Variants in CPED1 observed in about 807,000 individuals in gnomAD.
The protein encoded by CPED1 is cadherin like and PC-esterase domain containing 1.
In CPED1, 114 loss-of-function variants were observed where a neutral mutation model predicts 128.2. That is an observed-to-expected ratio of 0.89 (90% CI 0.76 to 1.04). CPED1 has a LOEUF of 1.04. Among genes scored for constraint, CPED1 ranks in the 50% least tolerant of loss-of-function variants. The probability of loss-of-function intolerance (pLI) is 0.00; values close to 1 mark genes in which losing one functional copy is unlikely to be tolerated. For missense variants in CPED1, 1,211 were observed against 1,207.1 expected (o/e 1.00, Z -0.05); for synonymous variants, 462 against 426.7 (o/e 1.08, Z -1.02).
At chr7:121,049,769 C>G (rs1298341781) in intron 4 of CPED1, among the ~76,000 whole-genome samples, 3 of 152,162 alleles carry the variant, frequency 2.0e-5, no homozygotes, top group South Asian at 2.1e-4. Context: ...GCCTGGAATG[C>G]TCTTTCTCAG....
At chr7:121,283,106 A>G (rs74896428) in intron 22 of CPED1, among the ~76,000 whole-genome samples, 5,506 of 152,298 alleles carry the variant, frequency 0.036, 213 homozygotes, top group South Asian at 0.13. Context: ...TAGAGACTCA[A>G]TTAGCCCTTT....
intron 16 of CPED1, among the ~76,000 whole-genome samples, chr7:121,214,667 G>A (rs929785187): frequency 2.0e-5 from 3 of 152,036 alleles, no homozygotes; most frequent in Non-Finnish European, 2.9e-5. Flanking sequence ...GGACTGTCAT[G>A]TCGTAGATAC....
chr7:121,137,536 T>C (rs894684878), intron 14 of CPED1, among the ~76,000 whole-genome samples: 15 of 152,068 alleles, frequency 9.9e-5, no homozygotes, highest in African/African-American at 3.6e-4. Flanking sequence ...AAATGCAATT[T>C]AATTCATTCA....
chr7:121,062,874 G>C (rs1001259707), intron 4 of CPED1: 3 of 152,032 alleles, frequency 2.0e-5, no homozygotes, highest in East Asian at 3.9e-4. Context: ...GCCCTCATTC[G>C]CTCCTGCCTG....
At chr7:121,202,281 C>A (rs1797417535) in intron 16 of CPED1, among the ~76,000 whole-genome samples, 1 of 152,092 alleles carries the variant, frequency 6.6e-6, no homozygotes, top group Admixed American at 6.6e-5. Flanking sequence ...TGTGCCTCTG[C>A]TGGAATTAGC....
chr7:121,130,853 A>G (rs1795649923), intron 12 of CPED1, among the ~76,000 whole-genome samples: 1 of 152,008 alleles, frequency 6.6e-6, no homozygotes, highest in African/African-American at 2.4e-5. Context: ...ATAAGATAAA[A>G]TTTCCCACCT....
rs971804511 is a variant in CPED1 at position 121,281,625 on chromosome 7, A to T, written c.2868+10195A>T. Among the ~76,000 whole-genome samples the T allele has an allele frequency of 2.0e-5, 3 of 152,272 alleles. No individual in the cohort carries two copies. The East Asian group carries it at 5.8e-4, about 29-fold the overall frequency. On this transcript the variant is annotated intron_variant, in intron 22 of 22. Transcript: ENST00000310396. ...CAGAATTTCAATTCTTGCTACACTG[A>T]GTCACAGAAAAGTGTGATCATTTAA...
chr7:121,047,062 TATA>T (rs1299106595), intron 4 of CPED1, 69 bp downstream of exon 4: 2 of 971,084 alleles, frequency 2.1e-6, no homozygotes, highest in African/African-American at 3.3e-5. Flanking sequence ...TTTCCTGGTC[TATA>T]ATGTTTAAGA....
At chr7:121,080,056 G>C (rs532440731) in intron 5 of CPED1, among the ~76,000 whole-genome samples, 1 of 152,324 alleles carries the variant, frequency 6.6e-6, no homozygotes, top group African/African-American at 2.4e-5. Context: ...ATGTGTAGCA[G>C]TGTGTCTGTA....
In CPED1 at chr7:121,074,866, A is replaced by G. The variant is rs572367986; in HGVS notation, c.616+10553A>G. Among the ~76,000 whole-genome samples, 5 of 152,296 alleles carry G rather than the reference A, an allele frequency of 3.3e-5. No homozygotes were observed. In the South Asian group the frequency reaches 1.0e-3, roughly 32 times the overall value. The stretch of plus-strand genomic sequence containing the variant: ...AAGCTGCATTTTCAATACAAGATAA[A>G]AAGGTGTTTCACAAAAAATGCAATG... On this transcript the variant is annotated intron_variant, in intron 5 of 22. Coordinates refer to ENST00000310396, the MANE Select transcript of CPED1 (RefSeq NM_024913.5).
chr7:121,118,321 G>A (rs1458016174), intron 7 of CPED1, among the ~76,000 whole-genome samples: 2 of 152,126 alleles, frequency 1.3e-5, no homozygotes, highest in African/African-American at 4.8e-5. Flanking sequence ...CCAGCACTTT[G>A]GGAGGCTGAG....
At chr7:121,251,495 G>C (rs1483948256) in intron 18 of CPED1, among the ~76,000 whole-genome samples, 5 of 152,112 alleles carry the variant, frequency 3.3e-5, no homozygotes, top group African/African-American at 1.2e-4. Context: ...GAAATAAAGG[G>C]CATTCAATTA....
chr7:121,272,362 CTCT>C (rs1374776953), intron 22 of CPED1, among the ~76,000 whole-genome samples: 6 of 151,944 alleles, frequency 3.9e-5, no homozygotes, highest in African/African-American at 1.4e-4. Flanking sequence ...GTGATGTGCT[CTCT>C]GAGTCTAGCA....
chr7:121,005,432 G>T (rs1055105620), intron 2 of CPED1, among the ~76,000 whole-genome samples: 3 of 151,786 alleles, frequency 2.0e-5, no homozygotes, highest in African/African-American at 7.3e-5. Context: ...TAATCCTTTG[G>T]GTATATACCC....
At chr7:121,162,854 A>G (rs1205732665) in intron 16 of CPED1, among the ~76,000 whole-genome samples, 1 of 152,234 alleles carries the variant, frequency 6.6e-6, no homozygotes, top group Admixed American at 6.5e-5. Context: ...TGAAATATGC[A>G]TAAATATCAT....
chr7:121,159,337 G>T (rs558390024), intron 16 of CPED1, among the ~76,000 whole-genome samples: 2 of 152,140 alleles, frequency 1.3e-5, no homozygotes, highest in Non-Finnish European at 2.9e-5. Flanking sequence ...ACCAGAATCT[G>T]TGAGTGGGGA....
intron 4 of CPED1, among the ~76,000 whole-genome samples, chr7:121,048,407 CA>C (rs1563005431): frequency 6.6e-6 from 1 of 152,178 alleles, no homozygotes. Flanking sequence ...AGAAATTACC[CA>C]CTTTGTCATC....
chr7:121,238,584 A>G (rs1254276879), intron 17 of CPED1, among the ~76,000 whole-genome samples: 1 of 151,970 alleles, frequency 6.6e-6, no homozygotes, highest in South Asian at 2.1e-4. Context: ...CATGTTTCTC[A>G]CTTAGTCTCC....
chr7:121,163,496 C>T (rs1183614105), intron 16 of CPED1, among the ~76,000 whole-genome samples: 2 of 152,198 alleles, frequency 1.3e-5, no homozygotes, highest in East Asian at 3.9e-4. Context: ...TTCTCCAGAG[C>T]CTACAGGCTG....
Sources: allele counts gnomAD v4.1 joint callset (sites outside exome capture counted in the v4.1 genomes callset), GRCh38; gene constraint gnomAD v4.1.1; transcripts MANE v1.5; gene names NCBI Gene and HGNC (gene_info 2026-07-23, HGNC 2026-07-21).